The following LMO3 variants were observed in gnomAD, a reference collection of about 807,000 sequenced individuals.
The protein encoded by LMO3 is LIM domain only protein 3.
LMO3 carries 2 observed loss-of-function variants against 15.8 expected under a neutral mutation model. The ratio of observed to expected loss-of-function variants is 0.13; its 90% CI spans 0.05 to 0.40. LMO3 has a LOEUF of 0.40. Among genes scored for constraint, LMO3 ranks in the 10% least tolerant of loss-of-function variants. The pLI, the probability that LMO3 is intolerant of heterozygous loss-of-function variation, is 0.99. For missense variants in LMO3, 86 were observed against 182.2 expected (o/e 0.47, Z 3.04); for synonymous variants, 62 against 63.8 (o/e 0.97, Z 0.13).
intron 2 of LMO3, among the ~76,000 whole-genome samples, chr12:16,590,098 AC>A (rs2137610954): frequency 6.6e-6 from 1 of 152,224 alleles, no homozygotes; most frequent in South Asian, 2.1e-4. Flanking sequence ...AAGCTCGAGA[AC>A]TTTGATTTGT....
intron 1 of LMO3, 46 bp from the exon 2 acceptor site, chr12:16,600,914 G>C (rs1402722343): frequency 7.4e-7 from 1 of 1,344,360 alleles, no homozygotes; most frequent in Non-Finnish European, 1.1e-6. Context: ...CTACCAGACA[G>C]AATAAAAAGA....
chr12:16,558,540 A>G (rs1942274763), intron 3 of LMO3, among the ~76,000 whole-genome samples: 1 of 152,082 alleles, frequency 6.6e-6, no homozygotes, highest in African/African-American at 2.4e-5. Flanking sequence ...TTGTGTTTGT[A>G]TATCCTTATC....
chr12:16,551,687 T>G (rs1941995944), intron 3 of LMO3, among the ~76,000 whole-genome samples: 1 of 151,830 alleles, frequency 6.6e-6, no homozygotes. Flanking sequence ...ATGATAATAA[T>G]GTTTCACTGC....
intron 1 of LMO3, chr12:16,605,088 G>T (rs1591838317): frequency 6.9e-7 from 1 of 1,450,450 alleles, no homozygotes; most frequent in East Asian, 2.5e-5. Flanking sequence ...GGATGAGGAC[G>T]GCCAGACAAG....
rs1180428178 is a variant in LMO3 at position 16,560,281 on chromosome 12, T to C, written c.332+132A>G. On this transcript the variant is annotated intron_variant, in intron 3 of 3. Coordinates refer to ENST00000537304, the MANE Select transcript of LMO3 (RefSeq NM_018640.5). The surrounding 1 kb of genome is among the most constrained non-coding windows in gnomAD (Gnocchi z 5.0). ...TTAGTAGCTTGTCTCTGGCATGGGA[T>C]TAAAGTTTACAGAACAGAAAAACGC... 1.0e-6 allele frequency: 1 copy of C among 983,908 alleles called. No individual in the cohort carries two copies. The highest frequency in any genetic ancestry group is 1.6e-5 in the African/African-American group (1 of 61,072). The allele number at this position is 983,908 out of a possible 1,614,324, so 60.9% of individuals were successfully genotyped here. A position where few individuals can be genotyped will look rare whatever the true frequency, so the allele number is the denominator to read the frequency against.
chr12:16,579,891 T>A (rs1943105658), intron 2 of LMO3, among the ~76,000 whole-genome samples: 1 of 152,212 alleles, frequency 6.6e-6, no homozygotes, highest in African/African-American at 2.4e-5. Context: ...TTGTTATTTA[T>A]ACCCACTAGG....
intron 3 of LMO3, among the ~76,000 whole-genome samples, chr12:16,557,207 G>A (rs766176443): frequency 6.6e-6 from 1 of 151,996 alleles, no homozygotes; most frequent in Non-Finnish European, 1.5e-5. Flanking sequence ...TGTAGAACAT[G>A]GATAAAATAG....
At chr12:16,561,076 G>A (rs1942388272) in intron 2 of LMO3, among the ~76,000 whole-genome samples, 1 of 152,076 alleles carries the variant, frequency 6.6e-6, no homozygotes, top group Non-Finnish European at 1.5e-5. Context: ...TTATAGCTAT[G>A]ATTATGTTAT....
intron 2 of LMO3, among the ~76,000 whole-genome samples, chr12:16,588,268 G>A (rs1943382896): frequency 6.6e-6 from 1 of 151,614 alleles, no homozygotes; most frequent in Non-Finnish European, 1.5e-5. Context: ...ACAAATTGAA[G>A]GTGTGCACTC....
rs968846785 is a variant in LMO3 at position 16,589,789 on chromosome 12, C to T, written c.206+10866G>A. Among the ~76,000 whole-genome samples the T allele has an allele frequency of 2.6e-5, 4 of 151,958 alleles. No individual in the cohort carries two copies. Among genetic ancestry groups the T allele is most frequent in the Admixed American group, 6.6e-5 (1 of 15,230 alleles). The stretch of plus-strand genomic sequence containing the variant: ...TATAGGTTCCTCAACTCAATCTGGA[C>T]AAGAAAAGCATCTGCCAGGAAGAAC... On this transcript the variant is annotated intron_variant, in intron 2 of 3. Coordinates refer to ENST00000537304, the MANE Select transcript of LMO3 (RefSeq NM_018640.5). The surrounding 1 kb of genome is among the most constrained non-coding windows in gnomAD (Gnocchi z 4.2).
At chr12:16,605,774 C>A (rs1424752962) in intron 1 of LMO3, 17 of 1,535,546 alleles carry the variant, frequency 1.1e-5, no homozygotes, top group Middle Eastern at 3.3e-4. Flanking sequence ...GTACTTGAGA[C>A]GTTCCGCGCC....
chr12:16,553,953 A>G (rs1942088472), intron 3 of LMO3, among the ~76,000 whole-genome samples: 2 of 152,076 alleles, frequency 1.3e-5, no homozygotes, highest in Admixed American at 1.3e-4. Flanking sequence ...AAAAATAAAC[A>G]TAATCTTTCT....
chr12:16,566,797 A>T (rs1565489015), intron 2 of LMO3, among the ~76,000 whole-genome samples: 2 of 152,204 alleles, frequency 1.3e-5, no homozygotes. Flanking sequence ...ACATATATTC[A>T]TTCTCTCTCC....
At chr12:16,571,389 C>T (rs576035737) in intron 2 of LMO3, among the ~76,000 whole-genome samples, 29 of 152,180 alleles carry the variant, frequency 1.9e-4, no homozygotes, top group African/African-American at 7.0e-4. Context: ...TAATATCCAA[C>T]ACCATTTATC....
intron 2 of LMO3, among the ~76,000 whole-genome samples, chr12:16,590,867 C>A (rs1211663062): frequency 6.6e-6 from 1 of 151,958 alleles, no homozygotes; most frequent in East Asian, 1.9e-4. Context: ...AATCCAGAAG[C>A]CTATTTTCAA....
intron 1 of LMO3, 113 bp from the exon 2 acceptor site, chr12:16,600,981 G>T: frequency 1.2e-6 from 1 of 802,930 alleles, no homozygotes; most frequent in Non-Finnish European, 1.9e-6. Context: ...AGCTTTTCTT[G>T]TTTAGGGCTA....
chr12:16,574,583 CT>C (rs1942933129), intron 2 of LMO3, among the ~76,000 whole-genome samples: 1 of 152,136 alleles, frequency 6.6e-6, no homozygotes, highest in Admixed American at 6.6e-5. Context: ...GACTTAGGAA[CT>C]TTCCCCCTAT....
intron 2 of LMO3, among the ~76,000 whole-genome samples, chr12:16,570,143 A>T (rs1455885372): frequency 6.6e-6 from 1 of 152,148 alleles, no homozygotes; most frequent in Non-Finnish European, 1.5e-5. Flanking sequence ...GCTTTTAAGA[A>T]TTTTTTGTGA....
intron 2 of LMO3, among the ~76,000 whole-genome samples, chr12:16,577,598 G>T (rs909887388): frequency 6.6e-6 from 1 of 152,044 alleles, no homozygotes; most frequent in African/African-American, 2.4e-5. Context: ...TTCACAAAAC[G>T]TTTGTGGTAT....
Sources: gnomAD v4.1 joint callset for allele counts (sites outside exome capture counted in the v4.1 genomes callset) on GRCh38, gnomAD v4.1.1 for gene constraint, Gnocchi (gnomAD v3.1) non-coding constraint, MANE v1.5 for transcripts, NCBI Gene and HGNC (gene_info 2026-07-23, HGNC 2026-07-21) for gene names.